Variants in PTPRD observed in about 807,000 individuals in gnomAD.
PTPRD encodes the protein receptor-type tyrosine-protein phosphatase delta.
PTPRD carries 34 observed loss-of-function variants against 214.5 expected under a neutral mutation model. The observed-to-expected ratio is 0.16, with a 90% CI of 0.12 to 0.21. The LOEUF (loss-of-function observed/expected upper bound fraction) is 0.21, where lower values mean the gene tolerates loss of function less well. Among genes scored for constraint, PTPRD ranks in the 10% least tolerant of loss-of-function variants. PTPRD has a pLI of 1.00. For missense variants in PTPRD, 2,545 were observed against 2,398.7 expected (o/e 1.06, Z -1.27); for synonymous variants, 1,128 against 845.7 (o/e 1.33, Z -5.79).
At chr9:8,432,010 G>A (rs1312468099) in intron 35 of PTPRD, among the ~76,000 whole-genome samples, 1 of 152,186 alleles carries the variant, frequency 6.6e-6, no homozygotes, top group Non-Finnish European at 1.5e-5. Flanking sequence ...TTCAAAACGT[G>A]TTATTGGTCT....
At chr9:9,244,602 G>T (rs1178026588) in intron 9 of PTPRD, among the ~76,000 whole-genome samples, 1 of 152,174 alleles carries the variant, frequency 6.6e-6, no homozygotes, top group African/African-American at 2.4e-5. Flanking sequence ...AGCTGAAACT[G>T]GAACCCTTCC....
chr9:9,095,912 T>A (rs2099782823), intron 10 of PTPRD, among the ~76,000 whole-genome samples: 2 of 152,172 alleles, frequency 1.3e-5, no homozygotes. Context: ...TGGAATATTA[T>A]TCAGTCCCAC....
chr9:9,419,051 T>A lies in PTPRD; in HGVS notation c.-236-21569A>T, dbSNP rs1157939101. On this transcript the variant is annotated intron_variant, in intron 8 of 45. Coordinates refer to ENST00000381196, the MANE Select transcript of PTPRD (RefSeq NM_002839.4). ...TGCAAAAATTGAATGAGAACACACA[T>A]ATGAAGATGCTACAAGAGTATTCTA... is the stretch of plus-strand genomic sequence containing the variant. Among the ~76,000 whole-genome samples, 3 of 151,344 alleles carry A rather than the reference T, an allele frequency of 2.0e-5. No individual in the cohort carries two copies. The Admixed American group carries it at 2.0e-4, about 10-fold the overall frequency.
At chr9:10,461,253 AT>A (rs1259454977) in intron 2 of PTPRD, among the ~76,000 whole-genome samples, 1 of 151,634 alleles carries the variant, frequency 6.6e-6, no homozygotes. Context: ...GTTGGTAAGA[AT>A]GGGGGAAAAA....
chr9:8,929,812 T>C (rs1408809336), intron 11 of PTPRD, among the ~76,000 whole-genome samples: 1 of 96,622 alleles, frequency 1.0e-5, no homozygotes, highest in African/African-American at 3.3e-5. Flanking sequence ...TATATGTGTA[T>C]ATATATGTGT....
chr9:10,072,942 A>G (rs1450781064), intron 3 of PTPRD, among the ~76,000 whole-genome samples: 1 of 152,152 alleles, frequency 6.6e-6, no homozygotes, highest in Non-Finnish European at 1.5e-5. Flanking sequence ...GTCCTTCAGT[A>G]GGTGAATAGA....
intron 10 of PTPRD, among the ~76,000 whole-genome samples, chr9:9,175,299 G>A (rs1011250262): frequency 6.6e-6 from 1 of 151,926 alleles, no homozygotes; most frequent in African/African-American, 2.4e-5. Context: ...ATCATACAGG[G>A]CATGTTTGTC....
chr9:10,169,473 CAA>C (rs59335943), intron 3 of PTPRD, among the ~76,000 whole-genome samples: 1,973 of 66,760 alleles, frequency 0.03, 38 homozygotes, highest in African/African-American at 0.091. Flanking sequence ...GACTCTGTCT[CAA>C]AAAAAAAAAA....
At chr9:9,441,900 G>C (rs2088045992) in intron 8 of PTPRD, among the ~76,000 whole-genome samples, 1 of 152,204 alleles carries the variant, frequency 6.6e-6, no homozygotes, top group Admixed American at 6.5e-5. Context: ...TGGTATTTGA[G>C]CAATAGCAGG....
At chr9:9,784,907 C>G (rs2098908065) in intron 5 of PTPRD, among the ~76,000 whole-genome samples, 2 of 147,106 alleles carry the variant, frequency 1.4e-5, no homozygotes, top group South Asian at 4.4e-4. Flanking sequence ...CATATAATCT[C>G]TCCTACATTT....
At chr9:9,079,242 C>G (rs1442178986) in intron 10 of PTPRD, among the ~76,000 whole-genome samples, 1 of 151,950 alleles carries the variant, frequency 6.6e-6, no homozygotes, top group African/African-American at 2.4e-5. Context: ...ATCCTCTGTT[C>G]TACTGTTTAC....
At chr9:9,682,690 G>A (rs986379760) in intron 7 of PTPRD, among the ~76,000 whole-genome samples, 2 of 151,714 alleles carry the variant, frequency 1.3e-5, no homozygotes, top group African/African-American at 2.4e-5. Flanking sequence ...ATGCTCAGCA[G>A]ATAAGGAAAT....
chr9:8,345,269 G>C (rs920811185), intron 39 of PTPRD, among the ~76,000 whole-genome samples: 4 of 152,008 alleles, frequency 2.6e-5, no homozygotes, highest in Admixed American at 2.6e-4. Flanking sequence ...GACAACACTT[G>C]GGAACTGCCC....
chr9:10,440,372 A>G (rs898445598), intron 2 of PTPRD, among the ~76,000 whole-genome samples: 3 of 151,826 alleles, frequency 2.0e-5, no homozygotes, highest in Non-Finnish European at 4.4e-5. Context: ...AATTTGCTAT[A>G]AAATATACAG....
intron 6 of PTPRD, among the ~76,000 whole-genome samples, chr9:9,738,265 T>G (rs2098335618): frequency 6.6e-6 from 1 of 151,798 alleles, no homozygotes; most frequent in African/African-American, 2.4e-5. Context: ...AAACAAAAAT[T>G]CAAACAACAA....
chr9:10,501,761 C>T (rs529585309), intron 2 of PTPRD, among the ~76,000 whole-genome samples: 1 of 151,916 alleles, frequency 6.6e-6, no homozygotes, highest in African/African-American at 2.4e-5. Flanking sequence ...AAGTATTAAT[C>T]GTCTCTCAGA....
chr9:9,910,408 C>G (rs934238681), intron 5 of PTPRD, among the ~76,000 whole-genome samples: 1 of 151,850 alleles, frequency 6.6e-6, no homozygotes, highest in Non-Finnish European at 1.5e-5. Flanking sequence ...GTATGCAGTT[C>G]TGTTCAAATA....
intron 14 of PTPRD, among the ~76,000 whole-genome samples, chr9:8,590,970 G>A (rs2094054158): frequency 6.6e-6 from 1 of 152,114 alleles, no homozygotes; most frequent in Non-Finnish European, 1.5e-5. Flanking sequence ...GAGGCTATAG[G>A]GGAGAATCTT....
chr9:8,791,311 C>A (rs1196572283), intron 11 of PTPRD, among the ~76,000 whole-genome samples: 1 of 151,330 alleles, frequency 6.6e-6, no homozygotes, highest in African/African-American at 2.4e-5. Flanking sequence ...CTGCAAACTC[C>A]GCCTCCCAGG....
Sources: allele counts gnomAD v4.1 joint callset (sites outside exome capture counted in the v4.1 genomes callset), GRCh38; gene constraint gnomAD v4.1.1; transcripts MANE v1.5; gene names NCBI Gene and HGNC (gene_info 2026-07-23, HGNC 2026-07-21).